The following IQCK variants were observed in gnomAD, a reference collection of about 807,000 sequenced individuals.
IQCK encodes IQ motif containing K, also known as IQ domain-containing protein K.
A neutral mutation model predicts 28.1 loss-of-function variants in IQCK; 29 were observed. The ratio of observed to expected loss-of-function variants is 1.03; its 90% confidence interval spans 0.77 to 1.41. IQCK has a LOEUF of 1.41. Ranked by LOEUF, IQCK falls within the 40% of genes most tolerant of loss-of-function variation. The pLI is 0.00. For synonymous variants in IQCK, 113 were observed against 115.1 expected (o/e 0.98, Z 0.12); for missense variants, 359 against 314.7 (o/e 1.14, Z -1.07).
chr16:19,807,889 T>C (rs1359702977), intron 7 of IQCK, among the ~76,000 whole-genome samples: 1 of 152,206 alleles, frequency 6.6e-6, no homozygotes, highest in Non-Finnish European at 1.5e-5. Context: ...CTGGGTCTGA[T>C]CCATGCATTT....
chr16:19,742,641 A>G (rs1290059293), intron 4 of IQCK, among the ~76,000 whole-genome samples: 1 of 152,218 alleles, frequency 6.6e-6, no homozygotes, highest in Non-Finnish European at 1.5e-5. Flanking sequence ...CAGCAGCGTA[A>G]TTCATTGTTT....
At chr16:19,813,060 T>C (rs1309631130) in intron 7 of IQCK, among the ~76,000 whole-genome samples, 1 of 152,240 alleles carries the variant, frequency 6.6e-6, no homozygotes, top group Admixed American at 6.5e-5. Flanking sequence ...GTGATGCTGA[T>C]ATTTCTGATC....
chr16:19,777,008 T>C, intron 6 of IQCK, among the ~76,000 whole-genome samples: 1 of 152,142 alleles, frequency 6.6e-6, no homozygotes, highest in East Asian at 1.9e-4. Flanking sequence ...CAAAAATAAA[T>C]AACTAAATGA....
chr16:19,719,927 C>T (rs879609642), intron 1 of IQCK, among the ~76,000 whole-genome samples: 2 of 152,018 alleles, frequency 1.3e-5, no homozygotes, highest in South Asian at 2.1e-4. Context: ...CCTGCCTCGG[C>T]CTCCCAAAGT....
chr16:19,730,994 G>A (rs1977819680), intron 2 of IQCK, among the ~76,000 whole-genome samples: 1 of 152,144 alleles, frequency 6.6e-6, no homozygotes, highest in African/African-American at 2.4e-5. Flanking sequence ...AAAGTGTTGG[G>A]ATTACAGATG....
At chr16:19,848,869 A>T (rs2056444915) in intron 9 of IQCK, among the ~76,000 whole-genome samples, 1 of 152,156 alleles carries the variant, frequency 6.6e-6, no homozygotes, top group Non-Finnish European at 1.5e-5. Flanking sequence ...TTTTCCTAGA[A>T]ATTTGCTAAT....
intron 4 of IQCK, chr16:19,736,288 G>A (rs1425626421): frequency 2.4e-6 from 1 of 411,356 alleles, no homozygotes; most frequent in African/African-American, 2.1e-5. Flanking sequence ...TTTTGAGACA[G>A]GGTCTTGCTC....
chr16:19,771,641 C>G (rs1225773389), intron 6 of IQCK, among the ~76,000 whole-genome samples: 1 of 152,130 alleles, frequency 6.6e-6, no homozygotes. Flanking sequence ...GAGCTGGCCT[C>G]CCAGATATAA....
intron 4 of IQCK, 115 bp from the exon 5 acceptor site, chr16:19,763,733 A>G (rs2055185393): frequency 2.5e-6 from 2 of 802,182 alleles, no homozygotes; most frequent in Non-Finnish European, 4.2e-6. Flanking sequence ...GTGAGCCACC[A>G]CACCCAGCCA....
rs559666895 is a variant in IQCK, at chr16:19,778,400, A to C, written c.606-10438A>C. Among the ~76,000 whole-genome samples the C allele has an allele frequency of 1.3e-3, 196 of 152,250 alleles. 1 individual carries two copies. Among genetic ancestry groups the C allele is most frequent in the African/African-American group, 4.4e-3 (181 of 41,536 alleles). ...AGTTAAATTAAATTGTAGTGCCTGT[A>C]ATCCCAGCACTTTGGGAGGCCGAGG... On this transcript the variant is annotated intron_variant, in intron 6 of 7. Coordinates refer to ENST00000564186, the Ensembl canonical transcript of IQCK.
intron 6 of IQCK, among the ~76,000 whole-genome samples, chr16:19,776,773 G>A (rs2055401775): frequency 6.6e-6 from 1 of 152,098 alleles, no homozygotes; most frequent in Non-Finnish European, 1.5e-5. Context: ...TGTGATGAGG[G>A]TGTTTTTGTT....
chr16:19,807,570 C>T (rs2055849664), intron 7 of IQCK, among the ~76,000 whole-genome samples: 1 of 152,322 alleles, frequency 6.6e-6, no homozygotes, highest in South Asian at 2.1e-4. Context: ...CCCATCCAGA[C>T]CTCCTGAATC....
chr16:19,819,173 C>T (rs1351288443), intron 7 of IQCK, among the ~76,000 whole-genome samples: 3 of 152,080 alleles, frequency 2.0e-5, no homozygotes, highest in Admixed American at 6.6e-5. Flanking sequence ...ATCACGGTAG[C>T]TTTTGCTACT....
At chr16:19,822,590 A>G (rs1426235044) in intron 7 of IQCK, among the ~76,000 whole-genome samples, 6 of 152,160 alleles carry the variant, frequency 3.9e-5, no homozygotes, top group Admixed American at 3.3e-4. Context: ...ATTTGTAGGA[A>G]ATATCCAGAA....
chr16:19,741,182 GT>G (rs1205326585), intron 4 of IQCK, among the ~76,000 whole-genome samples: 1 of 151,964 alleles, frequency 6.6e-6, no homozygotes, highest in Non-Finnish European at 1.5e-5. Context: ...CCTTGTGTCT[GT>G]TTTTTTCACT....
intron 6 of IQCK, among the ~76,000 whole-genome samples, chr16:19,774,043 G>A (rs1026613595): frequency 2.0e-5 from 3 of 152,190 alleles, no homozygotes; most frequent in Non-Finnish European, 4.4e-5. Context: ...AACACTGGGA[G>A]GAGACAGCTG....
chr16:19,814,220 CA>C (rs71146272), intron 7 of IQCK, among the ~76,000 whole-genome samples: 595 of 19,432 alleles, frequency 0.031, 1 homozygote, highest in African/African-American at 0.042. Flanking sequence ...AACTCTATCT[CA>C]AAAAAAAAAA....
At chr16:19,856,553 AGCTAAGACGTATCTTTGCCCATTC>A in exon 10 of IQCK, 1 of 1,611,962 alleles carries the variant, frequency 6.2e-7, no homozygotes, top group African/African-American at 1.3e-5. Flanking sequence ...TCTTAACCAT[AGCTAAGACGTATCTTTGCCCATTC>A]GAGCACAAGT....
chr16:19,759,071 C>G (rs370697160), intron 4 of IQCK, among the ~76,000 whole-genome samples: 7 of 152,308 alleles, frequency 4.6e-5, no homozygotes, highest in African/African-American at 1.7e-4. Flanking sequence ...GCAATTCCTA[C>G]TTGTAAATAT....
Sources: gnomAD v4.1 joint callset for allele counts (sites outside exome capture counted in the v4.1 genomes callset) on GRCh38, gnomAD v4.1.1 for gene constraint, MANE v1.5 for transcripts, NCBI Gene and HGNC (gene_info 2026-07-23, HGNC 2026-07-21) for gene names.